The following DKK2 variants were observed in gnomAD, a reference collection of about 807,000 sequenced individuals.
The protein encoded by DKK2 is dickkopf Wnt signaling pathway inhibitor 2.
DKK2 carries 11 observed loss-of-function variants against 28.1 expected under a neutral mutation model. That is an observed-to-expected ratio of 0.39 (90% confidence interval 0.25 to 0.65). DKK2 has a LOEUF of 0.65. DKK2 is among the 30% of genes least tolerant of loss of function. The pLI, the probability that DKK2 is intolerant of heterozygous loss-of-function variation, is 0.47. For synonymous variants in DKK2, 135 were observed against 126.5 expected (o/e 1.07, Z -0.45); for missense variants, 326 against 335.5 (o/e 0.97, Z 0.22).
At chr4:106,924,227 A>T in intron 3 of DKK2, 23 bp from the exon 4 acceptor site, 1 of 1,609,448 alleles carries the variant, frequency 6.2e-7, no homozygotes, top group Non-Finnish European at 8.5e-7. Context: ...TGACCAATAG[A>T]TGTTACCCTG....
At chr4:106,930,357 T>C (rs1398619023) in intron 1 of DKK2, among the ~76,000 whole-genome samples, 1 of 152,168 alleles carries the variant, frequency 6.6e-6, no homozygotes, top group Non-Finnish European at 1.5e-5. Context: ...AGACTTACAT[T>C]TAGGGTTGAA....
chr4:106,966,776 G>A (rs577065594), intron 1 of DKK2, among the ~76,000 whole-genome samples: 9 of 152,204 alleles, frequency 5.9e-5, no homozygotes, highest in African/African-American at 2.2e-4. Context: ...AGCTTGTGCA[G>A]GGAAACTCCC....
intron 1 of DKK2, among the ~76,000 whole-genome samples, chr4:107,033,184 G>T (rs1032838727): frequency 2.0e-5 from 3 of 151,994 alleles, no homozygotes; most frequent in Non-Finnish European, 4.4e-5. Context: ...CCTTCATCTT[G>T]AATATGTTAA....
At chr4:106,983,368 G>GAA (rs35298593) in intron 1 of DKK2, among the ~76,000 whole-genome samples, 2 of 92,660 alleles carry the variant, frequency 2.2e-5, no homozygotes, top group Non-Finnish European at 4.6e-5. Flanking sequence ...AAGAAAGAAA[G>GAA]AAGAAAGAAA....
chr4:107,020,194 G>A (rs908083407), intron 1 of DKK2, among the ~76,000 whole-genome samples: 1 of 152,026 alleles, frequency 6.6e-6, no homozygotes, highest in Non-Finnish European at 1.5e-5. Context: ...TCAATTTGTA[G>A]TCAATCACTG....
At chr4:106,959,764 T>C (rs988940680) in intron 1 of DKK2, among the ~76,000 whole-genome samples, 1 of 152,120 alleles carries the variant, frequency 6.6e-6, no homozygotes, top group Non-Finnish European at 1.5e-5. Flanking sequence ...ATTCACCAAA[T>C]ACTTTTTGCC....
At chr4:107,022,969 C>T (rs1433363161) in intron 1 of DKK2, among the ~76,000 whole-genome samples, 3 of 151,960 alleles carry the variant, frequency 2.0e-5, no homozygotes, top group Non-Finnish European at 4.4e-5. Flanking sequence ...GAAATAAATA[C>T]TGTTTTTAGT....
At chr4:107,024,843 GCT>G (rs1224767942) in intron 1 of DKK2, among the ~76,000 whole-genome samples, 6 of 152,174 alleles carry the variant, frequency 3.9e-5, no homozygotes, top group Admixed American at 1.3e-4. Context: ...GATATCCAAT[GCT>G]CTTTCAGGCT....
intron 1 of DKK2, among the ~76,000 whole-genome samples, chr4:107,003,064 C>A (rs901373397): frequency 6.6e-6 from 1 of 152,154 alleles, no homozygotes; most frequent in Non-Finnish European, 1.5e-5. Context: ...TCTACTGGAA[C>A]CTTGTTCCTC....
chr4:106,957,765 A>C (rs1180170046), intron 1 of DKK2, among the ~76,000 whole-genome samples: 1 of 52,694 alleles, frequency 1.9e-5, no homozygotes, highest in African/African-American at 7.8e-5. Context: ...GGGTGGGGGG[A>C]GGGGGGAGGG....
At chr4:106,934,536 A>G (rs1021614681) in intron 1 of DKK2, among the ~76,000 whole-genome samples, 1 of 152,226 alleles carries the variant, frequency 6.6e-6, no homozygotes, top group Non-Finnish European at 1.5e-5. Flanking sequence ...CACATATAAT[A>G]TACATACACA....
intron 1 of DKK2, among the ~76,000 whole-genome samples, chr4:106,994,995 T>G (rs1365100089): frequency 6.6e-6 from 1 of 152,260 alleles, no homozygotes; most frequent in Non-Finnish European, 1.5e-5. Flanking sequence ...TATTATTTTA[T>G]TAAAACCATG....
intron 1 of DKK2, among the ~76,000 whole-genome samples, chr4:106,943,258 C>T (rs989532887): frequency 4.6e-5 from 7 of 152,172 alleles, no homozygotes; most frequent in African/African-American, 1.4e-4. Context: ...TTGAATTCTT[C>T]GTCTGCCCTA....
chr4:107,005,355 A>C (rs935369313), intron 1 of DKK2, among the ~76,000 whole-genome samples: 9 of 151,720 alleles, frequency 5.9e-5, no homozygotes, highest in African/African-American at 9.7e-5. Context: ...AAAAAAAAAA[A>C]AAAAAACAAA....
chr4:106,938,930 C>T (rs1724645415), intron 1 of DKK2, among the ~76,000 whole-genome samples: 1 of 151,450 alleles, frequency 6.6e-6, no homozygotes, highest in Non-Finnish European at 1.5e-5. Flanking sequence ...GCTAAAAACT[C>T]TCAATAAATT....
At chr4:106,974,211 C>T (rs561228618) in intron 1 of DKK2, among the ~76,000 whole-genome samples, 4 of 152,158 alleles carry the variant, frequency 2.6e-5, no homozygotes, top group South Asian at 4.2e-4. Flanking sequence ...TTAGGATTGT[C>T]TTGGCTATAT....
intron 1 of DKK2, among the ~76,000 whole-genome samples, chr4:107,027,969 G>T (rs1002615880): frequency 6.6e-6 from 1 of 151,888 alleles, no homozygotes; most frequent in Non-Finnish European, 1.5e-5. Context: ...AGCCAGGATG[G>T]TCTCGATCTC....
At position 107,030,622 on chromosome 4, in the gene DKK2, G is replaced by A. The variant is rs527308836; in HGVS notation, c.222+4748C>T. ...GGAAGTAAAACAACTCCAACAGGCC[G>A]TCAGAAAGTCACAGGTAGAAATTTG... On this transcript the variant is annotated intron_variant, in intron 1 of 3. Coordinates refer to ENST00000285311, the MANE Select transcript of DKK2 (RefSeq NM_014421.3). Among the ~76,000 whole-genome samples, 865 of 152,036 alleles carry A rather than the reference G, an allele frequency of 5.7e-3. 5 individuals carry two copies. The highest frequency in any genetic ancestry group is 7.0e-3 in the Non-Finnish European group (475 of 67,874).
chr4:107,035,479 A>G lies in DKK2; in HGVS notation c.113T>C (p.Ile38Thr). The change falls in exon 1 of 4, where the codon ATC becomes ACC. Residue 38 changes from isoleucine to threonine, a missense_variant. Transcript: ENST00000285311. ...IGSSRAKLNS[I>T]KSSLGGETPG... The stretch of plus-strand genomic sequence containing the variant: ...CGTCTCCCCGCCCAGAGAGGACTTG[A>G]TGGAGTTGAGTTTGGCCCGCGAACT... 6.2e-7 allele frequency: 1 copy of G among 1,614,080 alleles called. No individual in the cohort carries two copies. Among genetic ancestry groups the G allele is most frequent in the Non-Finnish European group, 8.5e-7 (1 of 1,180,020 alleles).
Sources: allele counts gnomAD v4.1 joint callset (sites outside exome capture counted in the v4.1 genomes callset), GRCh38; gene constraint gnomAD v4.1.1; transcripts MANE v1.5; gene names NCBI Gene and HGNC (gene_info 2026-07-23, HGNC 2026-07-21).